The following IRF4 variants were observed in gnomAD, a reference collection of about 807,000 sequenced individuals.
The protein encoded by IRF4 is interferon regulatory factor 4, also known as lymphocyte-specific interferon regulatory factor.
IRF4 carries 13 observed loss-of-function variants against 55.5 expected under a neutral mutation model. The observed-to-expected ratio is 0.23, with a 90% CI of 0.15 to 0.37. IRF4 has a LOEUF of 0.37. Ranked by LOEUF, IRF4 falls within the 10% of genes least tolerant of loss-of-function variation. The pLI, the probability that IRF4 is intolerant of heterozygous loss-of-function variation, is 1.00. For synonymous variants in IRF4, 249 were observed against 240.7 expected (o/e 1.03, Z -0.32); for missense variants, 397 against 593.8 (o/e 0.67, Z 3.44).
Position 392,804 on chromosome 6 carries a change from C to T in IRF4, c.-55-294C>T, listed in dbSNP as rs1025937611. 2.6e-5 allele frequency among the ~76,000 whole-genome samples: 4 copies of T among 152,270 alleles called. No individual in the cohort carries two copies. The Middle Eastern group carries it at 0.01, about 388-fold the overall frequency. ...CTGGGTGGGGAGAGAGGGTGCAAGA[C>T]GAGCGGCGCGTGTCGGGAGCCTTTG... is the stretch of plus-strand genomic sequence containing the variant. On this transcript the variant is annotated intron_variant, in intron 1 of 8. Transcript: ENST00000380956.
Position 401,264 on chromosome 6 carries a change from G to T in IRF4, c.746-160G>T, listed in dbSNP as rs547490664. 1.2e-3 allele frequency among the ~76,000 whole-genome samples: 188 copies of T among 152,314 alleles called. 1 individual carries two copies. The highest frequency in any genetic ancestry group is 3.6e-3 in the Admixed American group (55 of 15,304). ...GGATCTCTGGGGGAGACAAGGGCAC[G>T]CTGTGTTTCCCAGGCCTCCTTGACG... is the stretch of plus-strand genomic sequence containing the variant. On this transcript the variant is annotated intron_variant, in intron 6 of 8. Transcript: ENST00000380956.
chr6:407,804 A>G lies in IRF4; in HGVS notation c.*206A>G, dbSNP rs1409487996. The G allele has an allele frequency of 1.9e-6, 1 of 525,776 alleles. No individual in the cohort carries two copies. Among genetic ancestry groups the G allele is most frequent in the Non-Finnish European group, 3.3e-6 (1 of 304,556 alleles). 32.6% of individuals were successfully genotyped at this position (525,776 alleles called of 1,614,324 possible). A position where few individuals can be genotyped will look rare whatever the true frequency, so the allele number is the denominator to read the frequency against. ...CAGGTGTGAGCCACTGCACCCACCC[A>G]AGACAAGTGATTTTCATTGTAAATA... On this transcript the variant is annotated 3_prime_UTR_variant, in exon 9 of 9. Transcript: ENST00000380956.
chr6:396,629 C>T (rs1327215939), intron 4 of IRF4, among the ~76,000 whole-genome samples: 3 of 71,714 alleles, frequency 4.2e-5, no homozygotes, highest in African/African-American at 1.2e-4. Flanking sequence ...GCCTCTCCTG[C>T]ACTCCTTTAC....
Position 393,083 on chromosome 6 carries a change from C to G in IRF4, c.-55-15C>G. 1 of 1,407,358 alleles carries G rather than the reference C, an allele frequency of 7.1e-7. No individual in the cohort carries two copies. The highest frequency in any genetic ancestry group is 9.6e-7 in the Non-Finnish European group (1 of 1,036,726). 87.2% of individuals were successfully genotyped at this position (1,407,358 alleles called of 1,614,324 possible). ...GCGGTGCCTCGTGGCTGAAGGGCAG[C>G]TCTTCTCCCCGCAGTGCAGAGCAGA... On this transcript the variant is annotated splice_polypyrimidine_tract_variant and intron_variant, in intron 1 of 8. Coordinates refer to ENST00000380956, the MANE Select transcript of IRF4 (RefSeq NM_002460.4). This position sits in a 1 kb window ranked among gnomAD's most constrained non-coding sequence, Gnocchi z 5.4.
At chr6:403,193 C>T (rs531037477) in intron 7 of IRF4, among the ~76,000 whole-genome samples, 5 of 152,334 alleles carry the variant, frequency 3.3e-5, no homozygotes, top group East Asian at 1.9e-4. Flanking sequence ...CTGGCCAGGG[C>T]GGTCCCATCC....
chr6:393,428 GGT>G lies in IRF4; in HGVS notation c.216+61_216+62del. 1 of 1,260,104 alleles carries G rather than the reference GGT, an allele frequency of 7.9e-7. No homozygotes were observed. The highest frequency in any genetic ancestry group is 1.0e-6 in the Non-Finnish European group (1 of 958,080). The allele number at this position is 1,260,104 out of a possible 1,614,324, so 78.1% of individuals were successfully genotyped here. ...GGGAGGGCCCAGAGACAGAGCCCGG[GGT>G]CCCCGGCGCCGCCTCCGAGGCGAGC... On this transcript the variant is annotated intron_variant, in intron 2 of 8. Coordinates refer to ENST00000380956, the MANE Select transcript of IRF4 (RefSeq NM_002460.4). This position sits in a 1 kb window ranked among gnomAD's most constrained non-coding sequence, Gnocchi z 5.4.
At chr6:406,696 T>C (rs1761553652) in intron 8 of IRF4, 2 of 785,458 alleles carry the variant, frequency 2.5e-6, no homozygotes, top group African/African-American at 3.8e-5. Flanking sequence ...GCGTGGTCCA[T>C]AAAATGAATA....
chr6:394,692 C>A, intron 2 of IRF4, 129 bp from the exon 3 acceptor site: 1 of 839,364 alleles, frequency 1.2e-6, no homozygotes, highest in Non-Finnish European at 1.9e-6. Flanking sequence ...GAGTTCGATG[C>A]TGCGGTGAGC....
chr6:396,161 A>T, intron 4 of IRF4: 1 of 542,806 alleles, frequency 1.8e-6, no homozygotes, highest in Non-Finnish European at 3.3e-6. Context: ...CGCCTGTTGG[A>T]ATATGCTTCT....
At chr6:400,010 C>T (rs188906745) in intron 6 of IRF4, among the ~76,000 whole-genome samples, 8 of 152,214 alleles carry the variant, frequency 5.3e-5, no homozygotes, top group Non-Finnish European at 1.0e-4. Flanking sequence ...TCGGCAACCT[C>T]GTGATTTCTG....
intron 8 of IRF4, 71 bp downstream of exon 8, chr6:405,201 A>G: frequency 2.4e-6 from 2 of 846,554 alleles, no homozygotes; most frequent in South Asian, 2.9e-5. Flanking sequence ...TCATTTAGAA[A>G]AGTCCCAAAT....
chr6:392,565 G>A lies in IRF4; in HGVS notation c.-55-533G>A, dbSNP rs77104505. Among the ~76,000 whole-genome samples, 986 of 152,388 alleles carry A rather than the reference G, an allele frequency of 6.5e-3. 9 individuals are homozygous for A. The highest frequency in any genetic ancestry group is 0.023 in the African/African-American group (939 of 41,594). ...GATAGGGGTCCTATTCGGGGCGAAG[G>A]GTCTGGATGCGAGCAGAGAAAGCGG... is the stretch of plus-strand genomic sequence containing the variant. On this transcript the variant is annotated intron_variant, in intron 1 of 8. Transcript: ENST00000380956.
rs952190478 is a variant in IRF4 at position 407,681 on chromosome 6, C to T, written c.*83C>T. The T allele has an allele frequency of 4.6e-6, 6 of 1,291,156 alleles. No individual in the cohort carries two copies. In the African/African-American group the frequency reaches 7.7e-5, roughly 17 times the overall value. 80.0% of individuals were successfully genotyped at this position (1,291,156 alleles called of 1,614,324 possible). ...GGATACGGGGTCTTGCTCTGTCTCC[C>T]AGGCTGGAGTGCAGTGACACAATCT... On this transcript the variant is annotated 3_prime_UTR_variant, in exon 9 of 9. Transcript: ENST00000380956.
Position 397,115 on chromosome 6 carries a change from A to G in IRF4, c.500A>G (p.His167Arg), listed in dbSNP as rs200611169. Reference protein sequence around the residue: ...PYPSLPAQQVHNYMMPPLDRS... With the variant: ...PYPSLPAQQVRNYMMPPLDRS... ...TCTCCTGCACTCCTTTAGCAGGTTCACAACTACATGATGCCACCCCTCGAC... is the reference window on the plus strand; with the variant it reads ...TCTCCTGCACTCCTTTAGCAGGTTCGCAACTACATGATGCCACCCCTCGAC... Residue 167 changes from histidine to arginine, a missense_variant, in exon 5 of 9, where the codon CAC (histidine) becomes CGC (arginine). Physicochemically the swap from His to Arg is conservative, Grantham distance 29. This residue lies in a region of IRF4 where 341 missense variants were observed against 548.1 expected (regional missense o/e 0.62). Coordinates refer to ENST00000380956, the MANE Select transcript of IRF4 (RefSeq NM_002460.4). The G allele has an allele frequency of 1.9e-6, 3 of 1,614,170 alleles. No homozygotes were observed. The Admixed American group carries it at 5.0e-5, about 27-fold the overall frequency.
intron 7 of IRF4, among the ~76,000 whole-genome samples, chr6:403,858 G>A (rs550892741): frequency 3.9e-5 from 6 of 152,178 alleles, no homozygotes; most frequent in Non-Finnish European, 7.4e-5. Context: ...GTGCCAACTC[G>A]CCATTCTGAT....
At chr6:394,722 T>C in intron 2 of IRF4, 99 bp from the exon 3 acceptor site, 1 of 1,172,618 alleles carries the variant, frequency 8.5e-7, no homozygotes, top group South Asian at 1.4e-5. Flanking sequence ...GCCACTGTAC[T>C]CTAGCCTGGG....
intron 1 of IRF4, among the ~76,000 whole-genome samples, chr6:392,123 GGC>G: frequency 6.6e-6 from 1 of 152,230 alleles, no homozygotes; most frequent in Non-Finnish European, 1.5e-5. Flanking sequence ...GAGTGGCTGA[GGC>G]GGGGCCGTCC....
At position 401,775 on chromosome 6, in the gene IRF4, C is replaced by T. The variant is rs1380305124; in HGVS notation, c.1097C>T (p.Ser366Leu). ...CTCTTTGACACACAGCAGTTCTTGT[C>T]AGGTAAGGCACCTCGTTATCTGTTA... ...CKLFDTQQFL[S>L]ELQAFAHHGR... Residue 366 changes from serine to leucine, a missense_variant and splice_region_variant, in exon 7 of 9, where the codon TCA becomes TTA. Coordinates refer to ENST00000380956, the MANE Select transcript of IRF4 (RefSeq NM_002460.4). The T allele has an allele frequency of 1.2e-6, 2 of 1,613,796 alleles. No homozygotes were observed. Among genetic ancestry groups the T allele is most frequent in the Non-Finnish European group, 1.7e-6 (2 of 1,179,788 alleles).
In IRF4 at chr6:398,887, G is replaced by A. The variant is rs776593233; in HGVS notation, c.697G>A (p.Val233Ile). The change falls in exon 6 of 9, where the codon GTC becomes ATC. Residue 233 changes from valine to isoleucine, a missense_variant. Around this residue, in one of 3 missense-constraint regions of IRF4, gnomAD observed 341 missense variants for 548.1 expected, o/e 0.62. Transcript: ENST00000380956. ...CAPPESQAPGVPTEPSIRSAE... is the reference protein window; with the variant it reads ...CAPPESQAPGIPTEPSIRSAE... ...CCCACCTGAGTCCCAGGCTCCCGGAGTCCCCACAGAGCCAAGCATAAGGTC... is the reference window on the plus strand; with the variant it reads ...CCCACCTGAGTCCCAGGCTCCCGGAATCCCCACAGAGCCAAGCATAAGGTC... The A allele has an allele frequency of 1.4e-5, 23 of 1,613,496 alleles. No individual in the cohort carries two copies. The South Asian group carries it at 2.0e-4, about 14-fold the overall frequency.
Sources: allele counts gnomAD v4.1 joint callset (sites outside exome capture counted in the v4.1 genomes callset), GRCh38; gene constraint gnomAD v4.1.1; regional missense constraint gnomAD v4.1.1; non-coding constraint Gnocchi (gnomAD v3.1); transcripts MANE v1.5; gene names NCBI Gene and HGNC (gene_info 2026-07-23, HGNC 2026-07-21).